Variants in CNOT2 observed in about 807,000 individuals in gnomAD.
The protein encoded by CNOT2 is CC chemokine receptor 4-negative regulator of transcription 2.
CNOT2 carries 7 observed loss-of-function variants against 72.1 expected under a neutral mutation model. That is an observed-to-expected ratio of 0.10 (90% CI 0.06 to 0.18). CNOT2 has a LOEUF of 0.18. CNOT2 is among the 10% of genes least tolerant of loss of function. The pLI, the probability that CNOT2 is intolerant of heterozygous loss-of-function variation, is 1.00. For missense variants in CNOT2, 345 were observed against 660.3 expected (o/e 0.52, Z 5.23); for synonymous variants, 196 against 225.6 (o/e 0.87, Z 1.17).
At chr12:70,247,645 A>C (rs1957943345) in intron 1 of CNOT2, among the ~76,000 whole-genome samples, 1 of 152,030 alleles carries the variant, frequency 6.6e-6, no homozygotes, top group South Asian at 2.1e-4. Context: ...TACTCTTCAA[A>C]CTTCTATTAT....
intron 1 of CNOT2, among the ~76,000 whole-genome samples, chr12:70,256,383 T>C (rs953694965): frequency 1.2e-4 from 18 of 152,148 alleles, no homozygotes; most frequent in Admixed American, 6.5e-5. Context: ...CTTGGAATTC[T>C]GAGGTAAATT....
At chr12:70,322,002 A>C (rs1171062332) in intron 4 of CNOT2, 1 of 151,802 alleles carries the variant, frequency 6.6e-6, no homozygotes, top group Non-Finnish European at 1.5e-5. Context: ...AATACTGTAC[A>C]TGGAATGATA....
intron 1 of CNOT2, among the ~76,000 whole-genome samples, chr12:70,269,046 A>C (rs1050246222): frequency 1.3e-5 from 2 of 152,106 alleles, no homozygotes; most frequent in African/African-American, 4.8e-5. Flanking sequence ...GTCTTTCCCT[A>C]ATAACTTTTT....
At chr12:70,338,339 C>A in intron 9 of CNOT2, 104 bp from the exon 10 acceptor site, 1 of 938,676 alleles carries the variant, frequency 1.1e-6, no homozygotes, top group Non-Finnish European at 1.5e-6. Flanking sequence ...AATTTAACTA[C>A]CAATTTAAAT....
At chr12:70,278,462 A>C (rs1272690870) in intron 2 of CNOT2, 188 bp downstream of exon 2, 1 of 489,788 alleles carries the variant, frequency 2.0e-6, no homozygotes, top group Non-Finnish European at 3.6e-6. Context: ...AAAATAAAGC[A>C]TATTCATAAT....
chr12:70,254,838 A>G (rs1958342620), intron 1 of CNOT2, among the ~76,000 whole-genome samples: 1 of 151,984 alleles, frequency 6.6e-6, no homozygotes, highest in African/African-American at 2.4e-5. Context: ...AAAATTAGCC[A>G]GGCATGGTGG....
chr12:70,330,363 A>G lies in CNOT2; in HGVS notation c.463A>G (p.Thr155Ala). 1.2e-6 allele frequency: 2 copies of G among 1,611,726 alleles called. 1 individual carries two copies. The highest frequency in any genetic ancestry group is 2.2e-5 in the South Asian group (2 of 91,010). ...VGQGIGIPSR[T>A]NSMSSSGLGS... ...TCAGGGCATTGGAATTCCTAGCAGG[A>G]CAAATAGCATGAGCAGTTCAGGGTT... Residue 155 changes from threonine to alanine, a missense_variant, in exon 6 of 16, where the codon ACA (threonine) becomes GCA (alanine). Coordinates refer to ENST00000229195, the MANE Select transcript of CNOT2 (RefSeq NM_014515.7).
chr12:70,247,981 T>A (rs1215000201), intron 1 of CNOT2, among the ~76,000 whole-genome samples: 2 of 152,154 alleles, frequency 1.3e-5, no homozygotes, highest in Non-Finnish European at 1.5e-5. Flanking sequence ...TAGGGAAGTG[T>A]GTGTAAAGTT....
chr12:70,259,259 T>C (rs1958619083), intron 1 of CNOT2, among the ~76,000 whole-genome samples: 1 of 152,152 alleles, frequency 6.6e-6, no homozygotes, highest in South Asian at 2.1e-4. Context: ...TACAGTGAAA[T>C]TCAGACCGGG....
chr12:70,326,373 A>G (rs1293169761), intron 4 of CNOT2, among the ~76,000 whole-genome samples: 1 of 150,988 alleles, frequency 6.6e-6, no homozygotes, highest in Admixed American at 6.7e-5. Flanking sequence ...CTCATATACA[A>G]GCTCATTTAT....
intron 1 of CNOT2, among the ~76,000 whole-genome samples, chr12:70,273,998 A>C (rs918644542): frequency 4.6e-5 from 7 of 152,114 alleles, no homozygotes; most frequent in African/African-American, 1.7e-4. Context: ...GATATAGGCA[A>C]CTTTTCATTT....
At chr12:70,309,736 G>A (rs1213452737) in intron 2 of CNOT2, among the ~76,000 whole-genome samples, 1 of 152,030 alleles carries the variant, frequency 6.6e-6, no homozygotes, top group African/African-American at 2.4e-5. Flanking sequence ...TTTTCTCATT[G>A]ACATTGGTTT....
intron 15 of CNOT2, among the ~76,000 whole-genome samples, chr12:70,349,776 G>C (rs931106970): frequency 6.6e-6 from 1 of 152,092 alleles, no homozygotes; most frequent in Admixed American, 6.5e-5. Flanking sequence ...GAGGCAAGAC[G>C]ATCACTTGAA....
chr12:70,276,878 G>A (rs1032752067), intron 1 of CNOT2, among the ~76,000 whole-genome samples: 3 of 151,976 alleles, frequency 2.0e-5, no homozygotes, highest in Admixed American at 1.3e-4. Flanking sequence ...CCTTTGTGAT[G>A]AAACATAAAA....
intron 3 of CNOT2, chr12:70,318,990 G>A (rs1311316193): frequency 1.0e-5 from 2 of 193,536 alleles, no homozygotes; most frequent in African/African-American, 4.7e-5. Context: ...TATATACCAT[G>A]TCTATATAAT....
rs868254819 is a variant in CNOT2 at position 70,305,878 on chromosome 12, T to G, written c.49-5017T>G. ...GGTTATTTTATCTGAAGTTTGTTTT[T>G]TTTTTTTTTTTTTTTTGGTAAATTT... is the stretch of plus-strand genomic sequence containing the variant. On this transcript the variant is annotated intron_variant, in intron 2 of 15. Coordinates refer to ENST00000229195, the MANE Select transcript of CNOT2 (RefSeq NM_014515.7). Among the ~76,000 whole-genome samples, 713 of 147,560 alleles carry G rather than the reference T, an allele frequency of 4.8e-3. 3 individuals carry two copies. Among genetic ancestry groups the G allele is most frequent in the African/African-American group, 0.016 (653 of 39,984 alleles).
chr12:70,305,818 C>T (rs1286226621), intron 2 of CNOT2, among the ~76,000 whole-genome samples: 2 of 148,236 alleles, frequency 1.3e-5, no homozygotes, highest in Non-Finnish European at 3.0e-5. Flanking sequence ...CTGCCTGTAT[C>T]AGGGACCACT....
At position 70,254,110 on chromosome 12, in the gene CNOT2, C is replaced by T. The variant is rs184899247; in HGVS notation, c.-96+10630C>T. Among the ~76,000 whole-genome samples the T allele has an allele frequency of 2.1e-3, 313 of 151,920 alleles. 2 individuals carry two copies. Among genetic ancestry groups the T allele is most frequent in the Middle Eastern group, 0.01 (3 of 294 alleles). On this transcript the variant is annotated intron_variant, in intron 1 of 15. Transcript: ENST00000229195. ...AAAATTAGCCGGGAGTGGTGGCACG[C>T]GCCTGTAGTCCTAGCTACTCAGGAG...
At chr12:70,296,164 C>T (rs1440292203) in intron 2 of CNOT2, among the ~76,000 whole-genome samples, 1 of 152,098 alleles carries the variant, frequency 6.6e-6, no homozygotes, top group Non-Finnish European at 1.5e-5. Flanking sequence ...CACATACCCT[C>T]CCCATCTTTC....
Sources: allele counts gnomAD v4.1 joint callset (sites outside exome capture counted in the v4.1 genomes callset), GRCh38; gene constraint gnomAD v4.1.1; transcripts MANE v1.5; gene names NCBI Gene and HGNC (gene_info 2026-07-23, HGNC 2026-07-21).